The following PSEN1 variants were observed in gnomAD, a reference collection of about 807,000 sequenced individuals.
The protein encoded by PSEN1 is presenilin-1.
A neutral mutation model predicts 53.5 loss-of-function variants in PSEN1; 15 were observed. The ratio of observed to expected loss-of-function variants is 0.28; its 90% CI spans 0.19 to 0.43. The LOEUF (loss-of-function observed/expected upper bound fraction) is 0.43. PSEN1 is among the 20% of genes least tolerant of loss of function. The pLI is 1.00. For missense variants in PSEN1, 387 were observed against 571.2 expected, an observed-to-expected ratio of 0.68 and a Z score of 3.29; for synonymous variants, 208 against 209.8, an observed-to-expected ratio of 0.99 and a Z score of 0.08.
At chr14:73,180,535 T>C (rs558296580) in intron 5 of PSEN1, among the ~76,000 whole-genome samples, 1 of 152,328 alleles carries the variant, frequency 6.6e-6, no homozygotes, top group Admixed American at 6.5e-5. Flanking sequence ...GGTTATGCAA[T>C]GTCTGTGGCA....
intron 10 of PSEN1, among the ~76,000 whole-genome samples, chr14:73,216,690 C>A (rs1411785022): frequency 1.2e-4 from 18 of 151,346 alleles, no homozygotes; most frequent in Admixed American, 1.2e-3. Flanking sequence ...ACCTGGGCGG[C>A]AGAGTCTGCA....
At chr14:73,172,531 A>G (rs1447054155) in intron 4 of PSEN1, among the ~76,000 whole-genome samples, 30 of 152,246 alleles carry the variant, frequency 2.0e-4, no homozygotes, top group Admixed American at 2.0e-3. Flanking sequence ...AAATTTGTGA[A>G]TAAACTTTCA....
chr14:73,148,168 C>A (rs1897123049), intron 3 of PSEN1, 62 bp downstream of exon 3: 1 of 1,298,322 alleles, frequency 7.7e-7, no homozygotes, highest in African/African-American at 1.5e-5. Context: ...TCTCCCCTCA[C>A]CTCTGAGAAA....
At chr14:73,143,195 G>T (rs1260911630) in intron 1 of PSEN1, among the ~76,000 whole-genome samples, 1 of 152,150 alleles carries the variant, frequency 6.6e-6, no homozygotes, top group Non-Finnish European at 1.5e-5. Context: ...CCCTTTCTTT[G>T]TACCAGTAGC....
At chr14:73,199,831 C>T (rs1488516518) in intron 8 of PSEN1, among the ~76,000 whole-genome samples, 3 of 152,130 alleles carry the variant, frequency 2.0e-5, no homozygotes, top group South Asian at 4.1e-4. Flanking sequence ...CTGCAACCTC[C>T]GCCTCCTGGG....
chr14:73,153,357 A>G (rs1023551731), intron 3 of PSEN1, among the ~76,000 whole-genome samples: 2 of 152,244 alleles, frequency 1.3e-5, no homozygotes, highest in Non-Finnish European at 2.9e-5. Flanking sequence ...CTAACATAAC[A>G]GCCCCATAAG....
intron 3 of PSEN1, among the ~76,000 whole-genome samples, chr14:73,162,145 C>T (rs957330364): frequency 1.3e-5 from 2 of 150,552 alleles, no homozygotes; most frequent in Non-Finnish European, 3.0e-5. Flanking sequence ...CGCCACTGCA[C>T]TCCAGCCTGG....
chr14:73,178,868 G>A (rs1211088447), intron 5 of PSEN1, among the ~76,000 whole-genome samples: 1 of 152,104 alleles, frequency 6.6e-6, no homozygotes. Flanking sequence ...CAAAGCCTTT[G>A]CAGTGTTGCT....
intron 6 of PSEN1, among the ~76,000 whole-genome samples, chr14:73,190,292 A>G (rs1317039854): frequency 6.6e-6 from 1 of 151,974 alleles, no homozygotes; most frequent in Non-Finnish European, 1.5e-5. Flanking sequence ...GTTCTAGACC[A>G]TCCTGGGCAA....
chr14:73,140,894 C>T (rs1438000635), intron 1 of PSEN1, among the ~76,000 whole-genome samples: 1 of 152,186 alleles, frequency 6.6e-6, no homozygotes, highest in Non-Finnish European at 1.5e-5. Context: ...TATTCTCACT[C>T]AGGGCTCTGC....
intron 5 of PSEN1, among the ~76,000 whole-genome samples, chr14:73,178,447 C>T (rs1402201322): frequency 6.6e-6 from 1 of 152,056 alleles, no homozygotes; most frequent in Non-Finnish European, 1.5e-5. Context: ...CTCAGCCTCC[C>T]AAAGTGCTGG....
chr14:73,172,034 AG>A (rs1276245291), intron 4 of PSEN1, among the ~76,000 whole-genome samples: 1 of 152,150 alleles, frequency 6.6e-6, no homozygotes, highest in Non-Finnish European at 1.5e-5. Flanking sequence ...AAGGCCTGTG[AG>A]GGTACTGAGT....
In PSEN1 at chr14:73,211,906, T is replaced by G. The variant is rs200888596; in HGVS notation, c.1093T>G (p.Ser365Ala). 1.7e-5 allele frequency: 28 copies of G among 1,613,822 alleles called. No individual in the cohort carries two copies. The highest frequency in any genetic ancestry group is 6.6e-5 in the South Asian group (6 of 91,080). Residue 365 changes from serine to alanine, a missense_variant, in exon 10 of 12, where the codon TCC becomes GCC. Physicochemically the swap from Ser to Ala is moderately conservative, Grantham distance 99. Coordinates refer to ENST00000324501, the MANE Select transcript of PSEN1 (RefSeq NM_000021.4). ...PESRAAVQEL[S>A]SSILAGEDPE... ...GTCACGAGCTGCTGTCCAGGAACTT[T>G]CCAGCAGTATCCTCGCTGGTGAAGA... is the stretch of plus-strand genomic sequence containing the variant.
At chr14:73,169,006 G>A (rs945895807) in intron 3 of PSEN1, 3 of 152,286 alleles carry the variant, frequency 2.0e-5, no homozygotes, top group African/African-American at 7.2e-5. Flanking sequence ...AGGGGTTTGA[G>A]TGTGTGGTGG....
chr14:73,203,377 C>T (rs780723983), intron 8 of PSEN1, among the ~76,000 whole-genome samples: 16 of 152,158 alleles, frequency 1.1e-4, no homozygotes, highest in South Asian at 6.2e-4. Context: ...CATGAGCCAC[C>T]GCACCTGGCC....
intron 6 of PSEN1, among the ~76,000 whole-genome samples, chr14:73,187,325 A>T (rs1199898888): frequency 6.6e-6 from 1 of 152,176 alleles, no homozygotes; most frequent in African/African-American, 2.4e-5. Context: ...TGAAATTTTC[A>T]TATATAATAT....
chr14:73,192,715 T>G lies in PSEN1; in HGVS notation c.620T>G (p.Val207Gly). Residue 207 changes from valine to glycine, a missense_variant, in exon 7 of 12, where the codon GTG becomes GGG. By Grantham distance (109) the Val-to-Gly change is moderately radical (BLOSUM62 -3). Coordinates refer to ENST00000324501, the MANE Select transcript of PSEN1 (RefSeq NM_000021.4). The part of the protein sequence containing the change: ...TVALLIWNFG[V>G]VGMISIHWKG... ...GCACTCCTGATCTGGAATTTTGGTG[T>G]GGTGGGAATGATTTCCATTCACTGG... 1 of 1,614,138 alleles carries G rather than the reference T, an allele frequency of 6.2e-7. No individual in the cohort carries two copies. Among genetic ancestry groups the G allele is most frequent in the Non-Finnish European group, 8.5e-7 (1 of 1,180,010 alleles).
intron 1 of PSEN1, among the ~76,000 whole-genome samples, chr14:73,144,183 G>T (rs1897004957): frequency 6.6e-6 from 1 of 151,688 alleles, no homozygotes; most frequent in Non-Finnish European, 1.5e-5. Context: ...TGGGACTACA[G>T]GTGCACGTCA....
At position 73,223,533 on chromosome 14, in the gene PSEN1, T is replaced by G. The variant is rs1369729234; in HGVS notation, c.*4244T>G. 6.6e-6 allele frequency: 1 copy of G among 152,274 alleles called. No individual in the cohort carries two copies. Among genetic ancestry groups the G allele is most frequent in the Non-Finnish European group, 1.5e-5 (1 of 68,060 alleles). 9.4% of individuals were successfully genotyped at this position (152,274 alleles called of 1,614,324 possible). Reference sequence around the variant, plus strand: ...GGATCATTTACTCTCACATGTTGTCTGCCTTCTGCTTCTGTGGACACTGCT... The same window carrying G: ...GGATCATTTACTCTCACATGTTGTCGGCCTTCTGCTTCTGTGGACACTGCT... On this transcript the variant is annotated 3_prime_UTR_variant, in exon 12 of 12. Transcript: ENST00000324501.
Sources: gnomAD v4.1 joint callset for allele counts (sites outside exome capture counted in the v4.1 genomes callset) on GRCh38, gnomAD v4.1.1 for gene constraint, MANE v1.5 for transcripts, NCBI Gene and HGNC (gene_info 2026-07-23, HGNC 2026-07-21) for gene names.